The following TDRD3 variants were observed in gnomAD, a reference collection of about 807,000 sequenced individuals.
TDRD3 encodes the protein tudor domain-containing protein 3.
Under a neutral mutation model 86.7 loss-of-function variants are expected in TDRD3, and 45 were observed. That is an observed-to-expected ratio of 0.52 (90% confidence interval 0.41 to 0.67). TDRD3 has a LOEUF of 0.67. Ranked by LOEUF, TDRD3 falls within the 30% of genes least tolerant of loss-of-function variation. The pLI is 0.00. For missense variants in TDRD3, 814 were observed against 889.0 expected, an observed-to-expected ratio of 0.92 and a Z score of 1.07; for synonymous variants, 298 against 301.7, an observed-to-expected ratio of 0.99 and a Z score of 0.13.
At chr13:60,438,504 G>A (rs575697431) in intron 1 of TDRD3, among the ~76,000 whole-genome samples, 2 of 152,106 alleles carry the variant, frequency 1.3e-5, no homozygotes, top group East Asian at 3.9e-4. Context: ...AACATTCTTG[G>A]TTTGACTTAA....
rs1362754195 is a variant in TDRD3 at position 60,573,813 on chromosome 13, C to G, written c.*207C>G. On this transcript the variant is annotated 3_prime_UTR_variant, in exon 14 of 14. Coordinates refer to ENST00000377881, the MANE Select transcript of TDRD3 (RefSeq NM_001146070.2). Reference sequence around the variant, plus strand: ...ATACTGAGTTAAATTAAGCAAATACCTTTTACAAGTGAAAGGAAGAATTTT... The same window carrying G: ...ATACTGAGTTAAATTAAGCAAATACGTTTTACAAGTGAAAGGAAGAATTTT... 4.2e-6 allele frequency: 1 copy of G among 236,268 alleles called. No homozygotes were observed. Among genetic ancestry groups the G allele is most frequent in the East Asian group, 1.8e-4 (1 of 5,498 alleles). The allele number at this position is 236,268 out of a possible 1,614,324, so 14.6% of individuals were successfully genotyped here. A position where few individuals can be genotyped will look rare whatever the true frequency, so the allele number is the denominator to read the frequency against.
At chr13:60,536,603 A>G (rs1957701892) in intron 12 of TDRD3, 2 of 152,050 alleles carry the variant, frequency 1.3e-5, no homozygotes, top group African/African-American at 4.8e-5. Flanking sequence ...CTGGTTTGCT[A>G]TTTATTATGT....
intron 7 of TDRD3, among the ~76,000 whole-genome samples, chr13:60,493,965 A>G (rs1185374542): frequency 6.6e-6 from 1 of 152,230 alleles, no homozygotes; most frequent in Non-Finnish European, 1.5e-5. Context: ...ATAAATTAGT[A>G]ATGAGAGTTT....
At chr13:60,411,013 C>G (rs1954351127) in intron 1 of TDRD3, among the ~76,000 whole-genome samples, 1 of 152,150 alleles carries the variant, frequency 6.6e-6, no homozygotes, top group Admixed American at 6.6e-5. Flanking sequence ...CATGAAATTT[C>G]AGTGACCATT....
At chr13:60,435,139 A>G (rs1315803256) in intron 1 of TDRD3, among the ~76,000 whole-genome samples, 3 of 152,214 alleles carry the variant, frequency 2.0e-5, no homozygotes, top group Non-Finnish European at 4.4e-5. Flanking sequence ...AGTATTAACA[A>G]AAGGATCAGT....
intron 1 of TDRD3, among the ~76,000 whole-genome samples, chr13:60,434,359 T>C (rs928219736): frequency 1.3e-5 from 2 of 151,842 alleles, no homozygotes; most frequent in African/African-American, 4.8e-5. Context: ...TCCCAGCTAT[T>C]TGGGGGACTG....
intron 8 of TDRD3, among the ~76,000 whole-genome samples, chr13:60,503,366 C>T (rs1956874207): frequency 6.6e-6 from 1 of 152,170 alleles, no homozygotes; most frequent in Non-Finnish European, 1.5e-5. Flanking sequence ...AGGGTAGTTA[C>T]AGTTAAAAAC....
chr13:60,432,590 A>G (rs79157857), intron 1 of TDRD3, among the ~76,000 whole-genome samples: 6,834 of 152,216 alleles, frequency 0.045, 210 homozygotes, highest in Non-Finnish European at 0.066. Flanking sequence ...ATCAATTTAC[A>G]CTATGGAGAG....
chr13:60,482,745 G>C (rs887924316), intron 5 of TDRD3, among the ~76,000 whole-genome samples: 5 of 151,742 alleles, frequency 3.3e-5, no homozygotes, highest in Admixed American at 3.3e-4. Context: ...TGTTGTGCTT[G>C]ACTGTCGTTA....
chr13:60,401,485 G>A (rs1003780405), intron 1 of TDRD3, among the ~76,000 whole-genome samples: 1 of 152,152 alleles, frequency 6.6e-6, no homozygotes, highest in Non-Finnish European at 1.5e-5. Context: ...TATGGATACT[G>A]AGGGATGACT....
chr13:60,452,851 C>G (rs1212161085), intron 3 of TDRD3, among the ~76,000 whole-genome samples: 3 of 150,410 alleles, frequency 2.0e-5, no homozygotes, highest in Admixed American at 6.6e-5. Context: ...GTATATGTCT[C>G]TTATTACTGT....
chr13:60,444,302 A>G (rs1955348581), intron 2 of TDRD3, among the ~76,000 whole-genome samples: 1 of 151,818 alleles, frequency 6.6e-6, no homozygotes, highest in Non-Finnish European at 1.5e-5. Context: ...TATGAGATTC[A>G]GTTTTAAAAA....
intron 5 of TDRD3, among the ~76,000 whole-genome samples, chr13:60,472,161 G>A (rs1051581178): frequency 3.9e-5 from 6 of 152,058 alleles, no homozygotes; most frequent in African/African-American, 1.2e-4. Flanking sequence ...CTGTTAATGC[G>A]TTACATTGAT....
At position 60,567,608 on chromosome 13, in the gene TDRD3, A is replaced by G. The variant is rs769980401; in HGVS notation, c.2202A>G (p.Gln734=). 22 of 1,614,072 alleles carry G rather than the reference A, an allele frequency of 1.4e-5. No homozygotes were observed. Among genetic ancestry groups the G allele is most frequent in the Non-Finnish European group, 1.7e-5 (20 of 1,180,032 alleles). ...CAAGACGATCCACTCGGCCAACCCA[A>G]CAGTTTTACCAACCACCCCGGGCTC... is the stretch of plus-strand genomic sequence containing the variant. The part of the protein sequence containing the change: ...GQPRRSTRPT[Q]QFYQPPRARN The change falls in exon 13 of 14, where the codon CAA becomes CAG. Residue 734 remains glutamine, a synonymous_variant. Transcript: ENST00000377881.
At chr13:60,405,468 A>G (rs1656158560) in intron 1 of TDRD3, among the ~76,000 whole-genome samples, 1 of 152,226 alleles carries the variant, frequency 6.6e-6, no homozygotes, top group Admixed American at 6.5e-5. Flanking sequence ...AGAGAATAGC[A>G]GAATTACTAA....
At chr13:60,476,113 C>G (rs995282380) in intron 5 of TDRD3, among the ~76,000 whole-genome samples, 2 of 152,014 alleles carry the variant, frequency 1.3e-5, no homozygotes, top group Non-Finnish European at 2.9e-5. Flanking sequence ...AATTCTTTGC[C>G]AAGGCTAGTC....
At chr13:60,420,296 T>C (rs1954623771) in intron 1 of TDRD3, among the ~76,000 whole-genome samples, 1 of 152,144 alleles carries the variant, frequency 6.6e-6, no homozygotes. Context: ...TGAATGTTTT[T>C]TACAATCTGT....
At chr13:60,525,316 G>A (rs1457323473) in intron 10 of TDRD3, among the ~76,000 whole-genome samples, 1 of 150,610 alleles carries the variant, frequency 6.6e-6, no homozygotes, top group East Asian at 2.0e-4. Context: ...TGGGATTACA[G>A]GGCCGCGCCA....
intron 12 of TDRD3, among the ~76,000 whole-genome samples, chr13:60,540,435 G>A (rs574413631): frequency 5.9e-5 from 9 of 152,102 alleles, no homozygotes; most frequent in South Asian, 2.1e-4. Flanking sequence ...GGGAGGTTGC[G>A]GATTATACAA....
Sources: allele counts gnomAD v4.1 joint callset (sites outside exome capture counted in the v4.1 genomes callset), GRCh38; gene constraint gnomAD v4.1.1; transcripts MANE v1.5; gene names NCBI Gene and HGNC (gene_info 2026-07-23, HGNC 2026-07-21).